NRXN1: variants seen among roughly 807,000 people sequenced by gnomAD.
NRXN1 encodes the protein neurexin-1.
NRXN1 carries 39 observed loss-of-function variants against 150.9 expected under a neutral mutation model. The ratio of observed to expected loss-of-function variants is 0.26; its 90% CI spans 0.20 to 0.34. The LOEUF is 0.34. NRXN1 is among the 10% of genes least tolerant of loss of function. The pLI is 1.00. For synonymous variants in NRXN1, 924 were observed against 757.0 expected (o/e 1.22, Z -3.62); for missense variants, 1,815 against 1,949.9 (o/e 0.93, Z 1.30).
intron 17 of NRXN1, among the ~76,000 whole-genome samples, chr2:50,250,262 T>G (rs2066912595): frequency 6.6e-6 from 1 of 152,108 alleles, no homozygotes; most frequent in African/African-American, 2.4e-5. Flanking sequence ...TTTGCTTGTC[T>G]CCCAAATACT....
chr2:50,496,129 C>A lies in NRXN1; in HGVS notation c.2880-34G>T, dbSNP rs200462689. On this transcript the variant is annotated intron_variant, in intron 14 of 22. Transcript: ENST00000401669. Reference sequence around the variant, plus strand: ...AAAATGAAAGAGGGGAAAGTGCCATCACTTTTTAAATTTTGATGAACCTAA... The same window carrying A: ...AAAATGAAAGAGGGGAAAGTGCCATAACTTTTTAAATTTTGATGAACCTAA... The A allele has an allele frequency of 2.3e-4, 349 of 1,527,016 alleles. 1 individual carries two copies. The Middle Eastern group carries it at 7.5e-3, about 33-fold the overall frequency. 94.6% of individuals were successfully genotyped at this position (1,527,016 alleles called of 1,614,324 possible).
intron 18 of NRXN1, among the ~76,000 whole-genome samples, chr2:50,182,411 T>A (rs1212952105): frequency 6.6e-6 from 1 of 152,056 alleles, no homozygotes; most frequent in African/African-American, 2.4e-5. Flanking sequence ...GGCTCCCACG[T>A]TTTGGATAAT....
chr2:50,868,672 G>T (rs745850722), intron 5 of NRXN1, among the ~76,000 whole-genome samples: 1 of 151,760 alleles, frequency 6.6e-6, no homozygotes, highest in East Asian at 2.0e-4. Flanking sequence ...GTAGACAATT[G>T]ATATTTGTGG....
chr2:50,696,656 C>T (rs1306325110), intron 5 of NRXN1, among the ~76,000 whole-genome samples: 1 of 152,136 alleles, frequency 6.6e-6, no homozygotes, highest in East Asian at 1.9e-4. Context: ...TGTAGAGAAA[C>T]CAGCAAGCAC....
chr2:51,001,825 C>T (rs998228431), intron 2 of NRXN1, among the ~76,000 whole-genome samples: 2 of 151,924 alleles, frequency 1.3e-5, no homozygotes, highest in Non-Finnish European at 2.9e-5. Context: ...CACTCTCATC[C>T]TCTTCTGCCT....
At chr2:50,562,328 A>AAGATAGATAGAT in intron 8 of NRXN1, among the ~76,000 whole-genome samples, 1 of 102,932 alleles carries the variant, frequency 9.7e-6, no homozygotes, top group East Asian at 3.8e-4. Flanking sequence ...TGATAGATAT[A>AAGATAGATAGAT]CGATAGATAG....
At chr2:50,213,026 G>A (rs1403818472) in intron 18 of NRXN1, among the ~76,000 whole-genome samples, 1 of 151,816 alleles carries the variant, frequency 6.6e-6, no homozygotes, top group East Asian at 1.9e-4. Context: ...CCCCTAAGAT[G>A]TGTTCTGTCT....
At chr2:50,629,808 A>G (rs1056565910) in intron 5 of NRXN1, among the ~76,000 whole-genome samples, 1 of 151,640 alleles carries the variant, frequency 6.6e-6, no homozygotes, top group African/African-American at 2.4e-5. Flanking sequence ...AATGAATATT[A>G]ATATCCTTTA....
rs575097233 is a variant in NRXN1, at chr2:50,765,873, A to G, written c.833-142258T>C. Among the ~76,000 whole-genome samples the G allele has an allele frequency of 2.0e-4, 31 of 152,208 alleles. 1 individual carries two copies. In the South Asian group the frequency reaches 6.4e-3, roughly 32 times the overall value. ...TGGAAAGATACAGGTGGAAGAATTG[A>G]CATACAGCAGCAATATCTTAAATTA... On this transcript the variant is annotated intron_variant, in intron 5 of 22. Transcript: ENST00000401669.
chr2:50,154,349 G>T (rs751231381), intron 18 of NRXN1, among the ~76,000 whole-genome samples: 3 of 151,360 alleles, frequency 2.0e-5, no homozygotes, highest in East Asian at 1.9e-4. Flanking sequence ...AATACCACCT[G>T]CTCCCTAAAA....
intron 13 of NRXN1, among the ~76,000 whole-genome samples, chr2:50,498,489 A>C (rs1324778944): frequency 1.3e-5 from 2 of 152,126 alleles, no homozygotes; most frequent in East Asian, 3.9e-4. Flanking sequence ...GCCCCATACC[A>C]CAAGGCAAAA....
chr2:50,187,879 T>C (rs976817040), intron 18 of NRXN1, among the ~76,000 whole-genome samples: 3 of 151,538 alleles, frequency 2.0e-5, no homozygotes, highest in African/African-American at 7.3e-5. Flanking sequence ...TTTGGCACTT[T>C]GTTTGTCTAT....
intron 2 of NRXN1, among the ~76,000 whole-genome samples, chr2:50,961,372 A>G (rs1467310353): frequency 2.0e-5 from 3 of 151,794 alleles, no homozygotes; most frequent in Non-Finnish European, 2.9e-5. Context: ...TAAGAAATAA[A>G]CACACTCTAA....
At position 50,577,360 on chromosome 2, in the gene NRXN1, T is replaced by C. The variant is rs373366908; in HGVS notation, c.1321-24335A>G. Among the ~76,000 whole-genome samples, 4 of 152,020 alleles carry C rather than the reference T, an allele frequency of 2.6e-5. No homozygotes were observed. In the East Asian group the frequency reaches 5.8e-4, roughly 22 times the overall value. On this transcript the variant is annotated intron_variant, in intron 8 of 22. Coordinates refer to ENST00000401669, the MANE Select transcript of NRXN1 (RefSeq NM_001330078.2). ...TAAATGTTAGCTGCATATACACTAG[T>C]TGTCTAAAAAAAAAAAACAAAGATT... is the stretch of plus-strand genomic sequence containing the variant.
At chr2:50,942,886 A>G (rs1286983639) in intron 2 of NRXN1, among the ~76,000 whole-genome samples, 1 of 152,148 alleles carries the variant, frequency 6.6e-6, no homozygotes, top group Non-Finnish European at 1.5e-5. Flanking sequence ...GAGACATGAG[A>G]TTTGGTAGGC....
intron 5 of NRXN1, among the ~76,000 whole-genome samples, chr2:50,662,384 A>T (rs931727761): frequency 1.3e-5 from 2 of 151,974 alleles, no homozygotes; most frequent in Non-Finnish European, 2.9e-5. Context: ...CCAAGTATGA[A>T]TGGTTAACAT....
At chr2:50,322,575 G>C (rs766142864) in intron 17 of NRXN1, among the ~76,000 whole-genome samples, 2 of 152,188 alleles carry the variant, frequency 1.3e-5, no homozygotes, top group African/African-American at 4.8e-5. Flanking sequence ...TCTATCACTA[G>C]ATTGGCTAAC....
chr2:50,346,813 C>G lies in NRXN1; in HGVS notation c.3365-109843G>C, dbSNP rs777085837. 2 of 1,612,864 alleles carry G rather than the reference C, an allele frequency of 1.2e-6. No homozygotes were observed. ...CAAACTGGATGCCCCCCACGCCACT[C>G]CTAGGAGGCCGCTGAGGGTGAGCGG... On this transcript the variant is annotated intron_variant, in intron 17 of 22. Transcript: ENST00000401669. This position sits in a 1 kb window ranked among gnomAD's most constrained non-coding sequence, Gnocchi z 5.0.
In NRXN1 at chr2:50,856,648, A is replaced by G. The variant is rs969828971; in HGVS notation, c.832+65221T>C. 3.9e-5 allele frequency among the ~76,000 whole-genome samples: 6 copies of G among 152,122 alleles called. No individual in the cohort carries two copies. The East Asian group carries it at 1.2e-3, about 29-fold the overall frequency. Reference sequence around the variant, plus strand: ...TTTATATCATCACAAATGTACATCAAAACAGGTATTCCTTTTTAATTGTCG... The same window carrying G: ...TTTATATCATCACAAATGTACATCAGAACAGGTATTCCTTTTTAATTGTCG... On this transcript the variant is annotated intron_variant, in intron 5 of 22. Coordinates refer to ENST00000401669, the MANE Select transcript of NRXN1 (RefSeq NM_001330078.2).
Sources: allele counts gnomAD v4.1 joint callset (sites outside exome capture counted in the v4.1 genomes callset), GRCh38; gene constraint gnomAD v4.1.1; non-coding constraint Gnocchi (gnomAD v3.1); transcripts MANE v1.5; gene names NCBI Gene and HGNC (gene_info 2026-07-23, HGNC 2026-07-21).